MPV17L2: variants seen among roughly 807,000 people sequenced by gnomAD.
MPV17L2 encodes the protein MPV17 mitochondrial inner membrane protein like 2.
MPV17L2 carries 25 observed loss-of-function variants against 24.2 expected under a neutral mutation model. That is an observed-to-expected ratio of 1.03 (90% confidence interval 0.75 to 1.44). The LOEUF (loss-of-function observed/expected upper bound fraction) is 1.44, where lower values mean the gene tolerates loss of function less well. Among genes scored for constraint, MPV17L2 ranks in the 40% most tolerant of loss-of-function variants. The pLI, the probability that MPV17L2 is intolerant of heterozygous loss-of-function variation, is 0.00. For missense variants in MPV17L2, 271 were observed against 276.2 expected, an observed-to-expected ratio of 0.98 and a Z score of 0.13; for synonymous variants, 130 against 121.4, an observed-to-expected ratio of 1.07 and a Z score of -0.46.
chr19:18,196,861 G>A lies in MPV17L2; in HGVS notation c.*806G>A, dbSNP rs964363846. ...TGTCATGACATCTCCTAAGGAACTG[G>A]GGGGCACGTTTGACACTCATGAGGT... On this transcript the variant is annotated 3_prime_UTR_variant, in exon 5 of 5. Coordinates refer to ENST00000599612, the MANE Select transcript of MPV17L2 (RefSeq NM_032683.3). 4.9e-6 allele frequency: 1 copy of A among 202,376 alleles called. No individual in the cohort carries two copies. Among genetic ancestry groups the A allele is most frequent in the Admixed American group, 5.4e-5 (1 of 18,682 alleles). The allele number at this position is 202,376 out of a possible 1,614,324, so 12.5% of individuals were successfully genotyped here. A position where few individuals can be genotyped will look rare whatever the true frequency, so the allele number is the denominator to read the frequency against.
At chr19:18,194,657 C>CG in intron 2 of MPV17L2, 120 bp from the exon 3 acceptor site, 1 of 798,432 alleles carries the variant, frequency 1.3e-6, no homozygotes, top group Non-Finnish European at 2.0e-6. Flanking sequence ...TCCCTCTGCC[C>CG]GGGGTGGGCG....
Position 18,196,575 on chromosome 19 carries a change from A to C in MPV17L2, c.*520A>C. 4 of 584,384 alleles carry C rather than the reference A, an allele frequency of 6.8e-6. No individual in the cohort carries two copies. The highest frequency in any genetic ancestry group is 1.0e-5 in the Non-Finnish European group (4 of 387,008). 36.2% of individuals were successfully genotyped at this position (584,384 alleles called of 1,614,324 possible). On this transcript the variant is annotated 3_prime_UTR_variant, in exon 5 of 5. Transcript: ENST00000599612. ...GAAATGCCATTAAACTCTCTCTATA[A>C]TGTAACTGAAACTGCTGGCTGGGCG...
chr19:18,193,585 C>A (rs1400281189), intron 1 of MPV17L2, 117 bp downstream of exon 1: 12 of 1,403,564 alleles, frequency 8.5e-6, no homozygotes, highest in Non-Finnish European at 1.1e-5. Flanking sequence ...CTTGCCCTGA[C>A]CGCGCCTCTC....
Position 18,196,269 on chromosome 19 carries a change from C to T in MPV17L2, c.*214C>T. The T allele has an allele frequency of 1.3e-6, 2 of 1,509,740 alleles. No homozygotes were observed. Among genetic ancestry groups the T allele is most frequent in the Non-Finnish European group, 1.8e-6 (2 of 1,130,094 alleles). 93.5% of individuals were successfully genotyped at this position (1,509,740 alleles called of 1,614,324 possible). ...ACACCCATGAAGATGGATGATCATC[C>T]CCTAGCCCTTCTCAGCAGGAACCTC... On this transcript the variant is annotated 3_prime_UTR_variant, in exon 5 of 5. Coordinates refer to ENST00000599612, the MANE Select transcript of MPV17L2 (RefSeq NM_032683.3).
intron 4 of MPV17L2, among the ~76,000 whole-genome samples, chr19:18,195,693 C>G (rs927056428): frequency 1.3e-5 from 2 of 151,556 alleles, no homozygotes; most frequent in Admixed American, 6.6e-5. Context: ...AAAAATTAGC[C>G]GGGCGTGGTG....
Position 18,193,888 on chromosome 19 carries a change from G to A in MPV17L2, c.212G>A (p.Ser71Asn), listed in dbSNP as rs760946540. The A allele has an allele frequency of 1.9e-6, 3 of 1,614,166 alleles. No individual in the cohort carries two copies. The highest frequency in any genetic ancestry group is 2.2e-5 in the East Asian group (1 of 44,888). The change falls in exon 2 of 5, where the codon AGC (serine) becomes AAC (asparagine). Residue 71 changes from serine (S) to asparagine (N), a missense_variant. By Grantham distance (46) the Ser-to-Asn change is conservative. Transcript: ENST00000599612. ...RSASMFAVGC[S>N]MGPFLHYWYL... Reference sequence around the variant, plus strand: ...GCGAGCATGTTTGCGGTGGGCTGCAGCATGGGTCCCTTCCTGCACTACTGG... The same window carrying A: ...GCGAGCATGTTTGCGGTGGGCTGCAACATGGGTCCCTTCCTGCACTACTGG...
At chr19:18,194,754 T>C in intron 2 of MPV17L2, 23 bp from the exon 3 acceptor site, 2 of 1,590,618 alleles carry the variant, frequency 1.3e-6, no homozygotes, top group Non-Finnish European at 1.7e-6. Flanking sequence ...TCTAACACTC[T>C]CATTTCTTGG....
At position 18,193,293 on chromosome 19, in the gene MPV17L2, T is replaced by C; in HGVS notation, c.12T>C (p.Gly4=). The C allele has an allele frequency of 1.9e-6, 3 of 1,542,274 alleles. No homozygotes were observed. The highest frequency in any genetic ancestry group is 1.7e-6 in the Non-Finnish European group (2 of 1,151,608). Residue 4 remains glycine, a synonymous_variant, in exon 1 of 5, where the codon GGT becomes GGC. Transcript: ENST00000599612. MAR[G]GWRRLRRLLS... ...GGTTCCTGAGGGCGATGGCGCGGGG[T>C]GGCTGGCGCCGGCTACGCCGCCTGT... is the stretch of plus-strand genomic sequence containing the variant.
At position 18,196,514 on chromosome 19, in the gene MPV17L2, C is replaced by A; in HGVS notation, c.*459C>A. The A allele has an allele frequency of 1.9e-6, 2 of 1,075,150 alleles. No homozygotes were observed. Among genetic ancestry groups the A allele is most frequent in the Non-Finnish European group, 2.5e-6 (2 of 807,484 alleles). The allele number at this position is 1,075,150 out of a possible 1,614,324, so 66.6% of individuals were successfully genotyped here. A position where few individuals can be genotyped will look rare whatever the true frequency, so the allele number is the denominator to read the frequency against. ...CCCAAAAGTTTCACATAGGGCCAGG[C>A]AGCCTCTGTGTTTCTTTCCCTGGTC... On this transcript the variant is annotated 3_prime_UTR_variant, in exon 5 of 5. Coordinates refer to ENST00000599612, the MANE Select transcript of MPV17L2 (RefSeq NM_032683.3).
Position 18,193,450 on chromosome 19 carries a change from T to G in MPV17L2, c.169T>G (p.Phe57Val). Reference sequence around the variant, plus strand: ...GATCCGCGCCCGGCCCGGCCAGGTTTTCGACCCACGGCGCTCCGGTGAGGA... The same window carrying G: ...GATCCGCGCCCGGCCCGGCCAGGTTGTCGACCCACGGCGCTCCGGTGAGGA... Reference protein sequence around the residue: ...WEIRARPGQVFDPRRSASMFA... With the variant: ...WEIRARPGQVVDPRRSASMFA... Residue 57 changes from phenylalanine (F) to valine (V), a missense_variant, in exon 1 of 5, where the codon TTC becomes GTC. Transcript: ENST00000599612. The G allele has an allele frequency of 6.5e-7, 1 of 1,540,606 alleles. No homozygotes were observed. Among genetic ancestry groups the G allele is most frequent in the Non-Finnish European group, 8.7e-7 (1 of 1,154,822 alleles).
Position 18,194,989 on chromosome 19 carries a change from T to C in MPV17L2, c.467T>C (p.Phe156Ser). ...TGGTGCGTGTGGCCTGCTGCGCAGT[T>C]CGTGAACTTCCTCTTCGTGCCCCCC... ...ADWCVWPAAQ[F>S]VNFLFVPPQF... is the part of the protein sequence containing the mutation. Residue 156 changes from phenylalanine (F) to serine (S), a missense_variant, in exon 4 of 5, where the codon TTC (phenylalanine) becomes TCC (serine). Physicochemically the swap from Phe to Ser is radical, Grantham distance 155. Coordinates refer to ENST00000599612, the MANE Select transcript of MPV17L2 (RefSeq NM_032683.3). The C allele has an allele frequency of 6.2e-7, 1 of 1,613,966 alleles. No individual in the cohort carries two copies. The highest frequency in any genetic ancestry group is 8.5e-7 in the Non-Finnish European group (1 of 1,179,934).
In MPV17L2 at chr19:18,194,816, G is replaced by T. The variant is rs369388426; in HGVS notation, c.398G>T (p.Cys133Phe). The T allele has an allele frequency of 1.2e-6, 2 of 1,610,340 alleles. No individual in the cohort carries two copies. The highest frequency in any genetic ancestry group is 1.7e-6 in the Non-Finnish European group (2 of 1,178,980). The change falls in exon 3 of 5, where the codon TGC (cysteine) becomes TTC (phenylalanine). Residue 133 changes from cysteine (C) to phenylalanine (F), a missense_variant. Cys to Phe is a radical substitution (Grantham distance 205). Coordinates refer to ENST00000599612, the MANE Select transcript of MPV17L2 (RefSeq NM_032683.3). Reference sequence around the variant, plus strand: ...GAGGGTCAGACAGTGGGTGAGAGCTGCCAGGAGCTGCGGGAGAAGTTCTGG... The same window carrying T: ...GAGGGTCAGACAGTGGGTGAGAGCTTCCAGGAGCTGCGGGAGAAGTTCTGG... ...CLEGQTVGES[C>F]QELREKFWEF...
intron 2 of MPV17L2, among the ~76,000 whole-genome samples, chr19:18,194,461 C>T (rs1217725147): frequency 1.3e-5 from 2 of 152,226 alleles, no homozygotes; most frequent in East Asian, 3.8e-4. Context: ...TCATTCTCCA[C>T]CTCCCAGCCC....
chr19:18,193,614 C>T, intron 1 of MPV17L2, 146 bp downstream of exon 1: 2 of 1,407,710 alleles, frequency 1.4e-6, no homozygotes, highest in Non-Finnish European at 1.9e-6. Context: ...TCTGTCTCCC[C>T]GCAGCTCTGG....
In MPV17L2 at chr19:18,193,327, G is replaced by A; in HGVS notation, c.46G>A (p.Gly16Arg). The change falls in exon 1 of 5, where the codon GGG becomes AGG. Residue 16 changes from glycine (G) to arginine (R), a missense_variant. Transcript: ENST00000599612. ...WRRLRRLLSA[G>R]QLLFQGRALL... ...CCGGCTACGCCGCCTGTTATCCGCGGGGCAGCTTCTATTCCAGGGCCGCGC... is the reference window on the plus strand; with the variant it reads ...CCGGCTACGCCGCCTGTTATCCGCGAGGCAGCTTCTATTCCAGGGCCGCGC... 6 of 1,561,242 alleles carry A rather than the reference G, an allele frequency of 3.8e-6. No individual in the cohort carries two copies. Among genetic ancestry groups the A allele is most frequent in the Non-Finnish European group, 4.3e-6 (5 of 1,159,872 alleles).
Position 18,194,964 on chromosome 19 carries a change from TG to T in MPV17L2, c.444del (p.Trp148CysfsTer10). ...EKFWEFYKAD[W>X]CVWPAAQFVN... is the part of the protein sequence containing the mutation. ...CCCCCGCCTCTCCCCGCAGGCAGAC[TG>T]GTGCGTGTGGCCTGCTGCGCAGTTC... is the stretch of plus-strand genomic sequence containing the variant. On this transcript the variant is annotated frameshift_variant, in exon 4 of 5. Transcript: ENST00000599612. LOFTEE classifies it high-confidence loss of function. 6.3e-7 allele frequency: 1 copy of T among 1,588,880 alleles called. No homozygotes were observed. The highest frequency in any genetic ancestry group is 8.6e-7 in the Non-Finnish European group (1 of 1,166,048).
Position 18,193,466 on chromosome 19 carries a change from C to A in MPV17L2, c.185C>A (p.Ser62Tyr). The A allele has an allele frequency of 6.6e-7, 1 of 1,516,974 alleles. No homozygotes were observed. Among genetic ancestry groups the A allele is most frequent in the South Asian group, 1.3e-5 (1 of 78,752 alleles). 94.0% of individuals were successfully genotyped at this position (1,516,974 alleles called of 1,614,324 possible). A position where few individuals can be genotyped will look rare whatever the true frequency, so the allele number is the denominator to read the frequency against. Residue 62 changes from serine (S) to tyrosine (Y), a missense_variant and splice_region_variant, in exon 1 of 5, where the codon TCC becomes TAC. Physicochemically the swap from Ser to Tyr is moderately radical, Grantham distance 144. Transcript: ENST00000599612. ...RPGQVFDPRR[S>Y]ASMFAVGCSM... ...GGCCAGGTTTTCGACCCACGGCGCT[C>A]CGGTGAGGACGCCACGCTGCTTAGT...
rs1240495262 is a variant in MPV17L2, at chr19:18,193,254, C to T, written c.-28C>T. ...GGTCGGCGCGGCGAAAGCAGAGCGG[C>T]GCGCCGGTTCCTTGGTTCCTGAGGG... On this transcript the variant is annotated 5_prime_UTR_variant, in exon 1 of 5. Transcript: ENST00000599612. The T allele has an allele frequency of 5.5e-6, 8 of 1,453,266 alleles. No homozygotes were observed. Among genetic ancestry groups the T allele is most frequent in the Non-Finnish European group, 7.2e-6 (8 of 1,109,620 alleles). 90.0% of individuals were successfully genotyped at this position (1,453,266 alleles called of 1,614,324 possible). A position where few individuals can be genotyped will look rare whatever the true frequency, so the allele number is the denominator to read the frequency against.
intron 4 of MPV17L2, among the ~76,000 whole-genome samples, chr19:18,195,709 C>T (rs930391009): frequency 1.1e-4 from 16 of 151,890 alleles, no homozygotes; most frequent in Admixed American, 9.8e-4. Flanking sequence ...TGGTGGCGGG[C>T]GCCTGTAGTC....
Sources: allele counts gnomAD v4.1 joint callset (sites outside exome capture counted in the v4.1 genomes callset), GRCh38; gene constraint gnomAD v4.1.1; transcripts MANE v1.5; gene names NCBI Gene and HGNC (gene_info 2026-07-23, HGNC 2026-07-21).